Variants in LRP1B observed in about 807,000 individuals in gnomAD.
LRP1B encodes the protein low-density lipoprotein receptor-related protein 1B.
Under a neutral mutation model 556.6 loss-of-function variants are expected in LRP1B, and 217 were observed. The observed-to-expected ratio is 0.39, with a 90% confidence interval of 0.35 to 0.44. The LOEUF (loss-of-function observed/expected upper bound fraction) is 0.44, where lower values mean the gene tolerates loss of function less well. Ranked by LOEUF, LRP1B falls within the 20% of genes least tolerant of loss-of-function variation. The probability of loss-of-function intolerance (pLI) is 1.00; values close to 1 mark genes in which losing one functional copy is unlikely to be tolerated. For missense variants in LRP1B, 5,053 were observed against 5,620.8 expected (o/e 0.90, Z 3.23); for synonymous variants, 2,047 against 1,865.8 (o/e 1.10, Z -2.50).
At chr2:140,261,464 G>A (rs1017881381) in intron 86 of LRP1B, among the ~76,000 whole-genome samples, 2 of 151,808 alleles carry the variant, frequency 1.3e-5, no homozygotes, top group Non-Finnish European at 2.9e-5. Flanking sequence ...TTAATGATAT[G>A]AGGACCAAGG....
chr2:141,731,117 G>T (rs1574294903), intron 2 of LRP1B, among the ~76,000 whole-genome samples: 1 of 152,084 alleles, frequency 6.6e-6, no homozygotes, highest in South Asian at 2.1e-4. Flanking sequence ...TTTGCTAAGG[G>T]TCCTCCTTTA....
At chr2:141,587,314 G>A (rs1404922180) in intron 2 of LRP1B, among the ~76,000 whole-genome samples, 1 of 152,108 alleles carries the variant, frequency 6.6e-6, no homozygotes, top group African/African-American at 2.4e-5. Flanking sequence ...AAAAGCCAAG[G>A]AACAGCATCA....
chr2:141,563,369 T>C (rs951872140), intron 2 of LRP1B, among the ~76,000 whole-genome samples: 2 of 151,260 alleles, frequency 1.3e-5, no homozygotes, highest in Non-Finnish European at 3.0e-5. Context: ...AAGAAAAGAG[T>C]GTAGAGAGAA....
At chr2:140,322,118 T>C in intron 81 of LRP1B, 30 bp from the exon 82 acceptor site, 1 of 1,599,996 alleles carries the variant, frequency 6.3e-7, no homozygotes, top group Non-Finnish European at 8.5e-7. Context: ...CAAAGAAGTG[T>C]GTAAATATAG....
At chr2:141,572,282 T>G (rs1686557211) in intron 2 of LRP1B, among the ~76,000 whole-genome samples, 1 of 152,068 alleles carries the variant, frequency 6.6e-6, no homozygotes, top group Non-Finnish European at 1.5e-5. Context: ...ATATACAACA[T>G]TCTTAAAGAA....
At chr2:141,467,508 A>G (rs7588818) in intron 3 of LRP1B, among the ~76,000 whole-genome samples, 36,016 of 152,090 alleles carry the variant, frequency 0.24, 5,371 homozygotes, top group East Asian at 0.52. Flanking sequence ...CCCTGAAGGC[A>G]TAAGGTAGAT....
rs925778232 is a variant in LRP1B, at chr2:140,455,187, C to T, written c.9963+1268G>A. ...TATCTCTCATACTGACTTACATTTC[C>T]AGCTCTTTAAAAATAATATTTTTAT... On this transcript the variant is annotated intron_variant, in intron 62 of 90. Coordinates refer to ENST00000389484, the MANE Select transcript of LRP1B (RefSeq NM_018557.3). Among the ~76,000 whole-genome samples the T allele has an allele frequency of 2.6e-4, 39 of 152,024 alleles. 1 individual carries two copies. The highest frequency in any genetic ancestry group is 2.5e-3 in the Admixed American group (38 of 15,256).
chr2:140,264,530 A>G (rs1682099653), intron 86 of LRP1B, among the ~76,000 whole-genome samples: 1 of 152,168 alleles, frequency 6.6e-6, no homozygotes, highest in Non-Finnish European at 1.5e-5. Flanking sequence ...CTGGGATTAC[A>G]GGCGTGAGCC....
intron 86 of LRP1B, among the ~76,000 whole-genome samples, chr2:140,247,593 C>G (rs896752239): frequency 1.3e-5 from 2 of 151,548 alleles, no homozygotes; most frequent in African/African-American, 2.4e-5. Flanking sequence ...AACTACCAAA[C>G]AGCAAATAGT....
intron 3 of LRP1B, among the ~76,000 whole-genome samples, chr2:141,368,394 G>T (rs564045999): frequency 6.6e-6 from 1 of 152,158 alleles, no homozygotes. Context: ...AGAAGAGGAG[G>T]ATGCATAAAG....
intron 41 of LRP1B, among the ~76,000 whole-genome samples, chr2:140,693,829 T>C (rs1308263029): frequency 6.6e-6 from 1 of 152,112 alleles, no homozygotes; most frequent in Non-Finnish European, 1.5e-5. Context: ...TATCTCAGCC[T>C]CCTGAGTAGC....
At position 141,785,339 on chromosome 2, in the gene LRP1B, T is replaced by A. The variant is rs565169073; in HGVS notation, c.205+24940A>T. Among the ~76,000 whole-genome samples the A allele has an allele frequency of 5.3e-5, 8 of 152,060 alleles. No homozygotes were observed. The South Asian group carries it at 1.5e-3, about 28-fold the overall frequency. On this transcript the variant is annotated intron_variant, in intron 2 of 90. Coordinates refer to ENST00000389484, the MANE Select transcript of LRP1B (RefSeq NM_018557.3). ...TTGCTCAGTCTCAGAGTTTATCTGT[T>A]GCAGCACTTAGTAATTGCATATCCT...
In LRP1B at chr2:140,716,109, G is replaced by A. The variant is rs2105462022; in HGVS notation, c.5894-7C>T. On this transcript the variant is annotated splice_polypyrimidine_tract_variant and splice_region_variant and intron_variant, in intron 36 of 90. Coordinates refer to ENST00000389484, the MANE Select transcript of LRP1B (RefSeq NM_018557.3). Reference sequence around the variant, plus strand: ...TCTGTCCAATATATGTTACCTAGGAGAAATAATAGAGGTGTTTATAATACA... The same window carrying A: ...TCTGTCCAATATATGTTACCTAGGAAAAATAATAGAGGTGTTTATAATACA... 3.2e-6 allele frequency: 5 copies of A among 1,575,542 alleles called. No individual in the cohort carries two copies. The East Asian group carries it at 9.0e-5, about 28-fold the overall frequency.
At chr2:141,116,235 TGA>T (rs1326654553) in intron 7 of LRP1B, among the ~76,000 whole-genome samples, 9 of 152,180 alleles carry the variant, frequency 5.9e-5, no homozygotes, top group Non-Finnish European at 1.2e-4. Flanking sequence ...GTAACAATTA[TGA>T]GAGGAAACGT....
chr2:142,008,501 A>T (rs1478232028), intron 1 of LRP1B, among the ~76,000 whole-genome samples: 2 of 151,390 alleles, frequency 1.3e-5, no homozygotes, highest in African/African-American at 4.9e-5. Flanking sequence ...GTCAGAGGTC[A>T]TATTAAGACA....
intron 3 of LRP1B, among the ~76,000 whole-genome samples, chr2:141,324,617 G>C (rs973781499): frequency 6.6e-6 from 1 of 152,052 alleles, no homozygotes; most frequent in African/African-American, 2.4e-5. Flanking sequence ...TTTCATAAAG[G>C]CTGTACGTGT....
intron 11 of LRP1B, among the ~76,000 whole-genome samples, chr2:141,024,715 G>T (rs1173577886): frequency 1.3e-5 from 2 of 151,976 alleles, no homozygotes; most frequent in South Asian, 2.1e-4. Flanking sequence ...CACAAGACTT[G>T]TGGATCAGAT....
At chr2:141,077,308 T>G (rs1206579913) in intron 7 of LRP1B, among the ~76,000 whole-genome samples, 1 of 152,162 alleles carries the variant, frequency 6.6e-6, no homozygotes, top group Non-Finnish European at 1.5e-5. Flanking sequence ...AATACTGGTA[T>G]TTTGTCCCAA....
intron 2 of LRP1B, among the ~76,000 whole-genome samples, chr2:141,511,210 T>C (rs1684119674): frequency 2.0e-5 from 3 of 152,132 alleles, no homozygotes; most frequent in African/African-American, 7.2e-5. Context: ...ATTGACTTAA[T>C]TATAATTTAT....
Sources: allele counts gnomAD v4.1 joint callset (sites outside exome capture counted in the v4.1 genomes callset), GRCh38; gene constraint gnomAD v4.1.1; transcripts MANE v1.5; gene names NCBI Gene and HGNC (gene_info 2026-07-23, HGNC 2026-07-21).